The following MTREX variants were observed in gnomAD, a reference collection of about 807,000 sequenced individuals.
MTREX encodes Mtr4 exosome RNA helicase, also known as exosome RNA helicase MTR4.
A neutral mutation model predicts 135.4 loss-of-function variants in MTREX; 76 were observed. The observed-to-expected ratio is 0.56, with a 90% confidence interval of 0.47 to 0.68. The LOEUF is 0.68. Ranked by LOEUF, MTREX falls within the 30% of genes least tolerant of loss-of-function variation. MTREX has a pLI of 0.00. For missense variants in MTREX, 920 were observed against 1,262.1 expected (o/e 0.73, Z 4.11); for synonymous variants, 404 against 401.6 (o/e 1.01, Z -0.07).
At chr5:55,316,424 G>C (rs192356397) in intron 1 of MTREX, among the ~76,000 whole-genome samples, 1 of 152,224 alleles carries the variant, frequency 6.6e-6, no homozygotes, top group East Asian at 1.9e-4. Flanking sequence ...ACATCAAAAA[G>C]CTAATCCACC....
intron 5 of MTREX, among the ~76,000 whole-genome samples, chr5:55,331,464 T>A (rs1004650269): frequency 2.0e-5 from 3 of 152,232 alleles, no homozygotes; most frequent in Non-Finnish European, 2.9e-5. Context: ...ATGCAGTATC[T>A]TGTGAATTCT....
intron 22 of MTREX, among the ~76,000 whole-genome samples, chr5:55,407,013 A>G (rs556922706): frequency 4.1e-4 from 63 of 152,308 alleles, no homozygotes; most frequent in African/African-American, 1.4e-3. Flanking sequence ...GTCTGAAGAT[A>G]TATCTTGTTT....
chr5:55,310,647 G>C (rs1749097511), intron 1 of MTREX, among the ~76,000 whole-genome samples: 2 of 152,080 alleles, frequency 1.3e-5, no homozygotes, highest in South Asian at 2.1e-4. Context: ...CCTGATTGCA[G>C]TGGCCATACT....
intron 22 of MTREX, among the ~76,000 whole-genome samples, chr5:55,409,304 A>C (rs972297438): frequency 1.3e-5 from 2 of 152,268 alleles, no homozygotes; most frequent in South Asian, 4.1e-4. Flanking sequence ...CATTCAACAG[A>C]AAGGGCCTAG....
rs148339650 is a variant in MTREX, at chr5:55,329,923, C to G, written c.515+1112C>G. On this transcript the variant is annotated intron_variant, in intron 5 of 26. Transcript: ENST00000230640. ...CTCTTGTTCCAGGACTCTTTTGGGC[C>G]GCTTAAAGTTGTCTCACAACTCACT... Among the ~76,000 whole-genome samples the G allele has an allele frequency of 1.6e-3, 244 of 151,826 alleles. 3 individuals carry two copies. The East Asian group carries it at 0.044, about 27-fold the overall frequency.
chr5:55,412,438 G>A (rs1337513675), intron 23 of MTREX, among the ~76,000 whole-genome samples: 1 of 152,172 alleles, frequency 6.6e-6, no homozygotes, highest in African/African-American at 2.4e-5. Flanking sequence ...ACAGGTCTAA[G>A]CACCAGAGAT....
intron 1 of MTREX, among the ~76,000 whole-genome samples, chr5:55,308,501 A>G (rs910321439): frequency 1.3e-5 from 2 of 152,134 alleles, no homozygotes; most frequent in Admixed American, 1.3e-4. Flanking sequence ...AAAGGTTTAG[A>G]AAAAATGATA....
chr5:55,420,549 TACTG>T (rs1337441364), intron 25 of MTREX, among the ~76,000 whole-genome samples: 8 of 152,220 alleles, frequency 5.3e-5, no homozygotes, highest in Admixed American at 1.3e-4. Flanking sequence ...AGAAAAGACA[TACTG>T]ACTCATGCTA....
intron 14 of MTREX, chr5:55,356,846 T>G (rs1305317652): frequency 6.3e-6 from 1 of 158,814 alleles, no homozygotes; most frequent in Non-Finnish European, 1.4e-5. Flanking sequence ...CTGACCAGAT[T>G]GAAGTCAGTG....
chr5:55,340,806 C>G (rs1749636681), intron 6 of MTREX, among the ~76,000 whole-genome samples: 1 of 152,152 alleles, frequency 6.6e-6, no homozygotes, highest in South Asian at 2.1e-4. Flanking sequence ...TGGTCTCTAT[C>G]TCCTGACCTC....
At chr5:55,312,963 G>A (rs1236584440) in intron 1 of MTREX, among the ~76,000 whole-genome samples, 2 of 152,104 alleles carry the variant, frequency 1.3e-5, no homozygotes, top group African/African-American at 4.8e-5. Flanking sequence ...TTTGTGCTTA[G>A]GGTGCACAAT....
At chr5:55,413,256 G>GA (rs1750911638) in intron 23 of MTREX, among the ~76,000 whole-genome samples, 1 of 150,930 alleles carries the variant, frequency 6.6e-6, no homozygotes, top group African/African-American at 2.4e-5. Flanking sequence ...GGAATCGCTT[G>GA]AACCCGGGAG....
At chr5:55,382,422 T>G (rs1271372790) in intron 18 of MTREX, among the ~76,000 whole-genome samples, 1 of 152,138 alleles carries the variant, frequency 6.6e-6, no homozygotes, top group Non-Finnish European at 1.5e-5. Flanking sequence ...GAATAAGCTT[T>G]AGGTTTACAC....
intron 18 of MTREX, among the ~76,000 whole-genome samples, chr5:55,382,229 T>C (rs1228055195): frequency 6.6e-6 from 1 of 152,158 alleles, no homozygotes; most frequent in South Asian, 2.1e-4. Flanking sequence ...TTGTTTTCTC[T>C]TCTTTTACTG....
intron 1 of MTREX, among the ~76,000 whole-genome samples, chr5:55,311,729 G>A (rs1376356353): frequency 2.0e-5 from 3 of 152,180 alleles, no homozygotes; most frequent in Non-Finnish European, 4.4e-5. Context: ...ACCAGAATTG[G>A]AAACGTTAAT....
intron 16 of MTREX, among the ~76,000 whole-genome samples, chr5:55,373,836 A>G (rs1750246568): frequency 6.6e-6 from 1 of 152,180 alleles, no homozygotes; most frequent in African/African-American, 2.4e-5. Flanking sequence ...TGCTGTCTCC[A>G]GGTGGATAAT....
intron 25 of MTREX, among the ~76,000 whole-genome samples, chr5:55,416,804 A>G (rs1750972753): frequency 6.6e-6 from 1 of 152,216 alleles, no homozygotes; most frequent in African/African-American, 2.4e-5. Context: ...GATAATTTAC[A>G]TTGAACTTTC....
At chr5:55,342,908 C>A (rs2112059341) in intron 7 of MTREX, among the ~76,000 whole-genome samples, 1 of 152,286 alleles carries the variant, frequency 6.6e-6, no homozygotes, top group East Asian at 1.9e-4. Flanking sequence ...TCTTTCATCT[C>A]CAGAGGATCA....
chr5:55,378,535 C>A (rs1750343867), intron 17 of MTREX, 49 bp downstream of exon 17: 2 of 1,523,426 alleles, frequency 1.3e-6, no homozygotes, highest in Non-Finnish European at 1.8e-6. Context: ...AATATTTAAA[C>A]ATATTTTTGT....
Sources: gnomAD v4.1 joint callset for allele counts (sites outside exome capture counted in the v4.1 genomes callset) on GRCh38, gnomAD v4.1.1 for gene constraint, MANE v1.5 for transcripts, NCBI Gene and HGNC (gene_info 2026-07-23, HGNC 2026-07-21) for gene names.